The following CHSY3 variants were observed in gnomAD, a reference collection of about 807,000 sequenced individuals.
The protein encoded by CHSY3 is N-acetylgalactosaminyl-proteoglycan 3-beta-glucuronosyltransferase 3.
Under a neutral mutation model 67.2 loss-of-function variants are expected in CHSY3, and 35 were observed. The observed-to-expected ratio is 0.52, with a 90% CI of 0.40 to 0.69. CHSY3 has a LOEUF of 0.69. Among genes scored for constraint, CHSY3 ranks in the 30% least tolerant of loss-of-function variants. The pLI is 0.00. For synonymous variants in CHSY3, 474 were observed against 434.7 expected, an observed-to-expected ratio of 1.09 and a Z score of -1.12; for missense variants, 1,069 against 1,138.5, an observed-to-expected ratio of 0.94 and a Z score of 0.88.
At chr5:129,919,749 C>T (rs1760856039) in intron 2 of CHSY3, among the ~76,000 whole-genome samples, 3 of 152,100 alleles carry the variant, frequency 2.0e-5, no homozygotes, top group Admixed American at 2.0e-4. Flanking sequence ...CACAGCCAAA[C>T]CATATCAGTT....
intron 2 of CHSY3, among the ~76,000 whole-genome samples, chr5:129,997,629 G>A (rs190337636): frequency 2.2e-4 from 33 of 152,060 alleles, no homozygotes; most frequent in Admixed American, 1.3e-3. Flanking sequence ...TTTACATTAG[G>A]TATTTCTTCT....
rs577499094 is a variant in CHSY3, at chr5:130,036,353, C to T, written c.1086+127993C>T. On this transcript the variant is annotated intron_variant, in intron 2 of 2. Coordinates refer to ENST00000305031, the MANE Select transcript of CHSY3 (RefSeq NM_175856.5). The stretch of plus-strand genomic sequence containing the variant: ...ATATATTTTCCTAGTATATCTCTTC[C>T]ATAACTGTGCTAGCATATCGTAGCT... 1.9e-4 allele frequency among the ~76,000 whole-genome samples: 29 copies of T among 152,168 alleles called. No homozygotes were observed. The South Asian group carries it at 5.8e-3, about 30-fold the overall frequency.
At chr5:130,081,404 A>G (rs1766443063) in intron 2 of CHSY3, among the ~76,000 whole-genome samples, 1 of 152,092 alleles carries the variant, frequency 6.6e-6, no homozygotes, top group South Asian at 2.1e-4. Flanking sequence ...TCAGGTCAGC[A>G]TGTGAAAGTG....
intron 2 of CHSY3, among the ~76,000 whole-genome samples, chr5:129,959,805 TA>T (rs778010217): frequency 3.9e-5 from 6 of 152,144 alleles, no homozygotes; most frequent in Non-Finnish European, 7.4e-5. Context: ...TGTTACAGTT[TA>T]AGGTACTGTT....
intron 2 of CHSY3, among the ~76,000 whole-genome samples, chr5:130,092,441 C>A (rs191241642): frequency 1.3e-5 from 2 of 152,148 alleles, no homozygotes; most frequent in East Asian, 3.9e-4. Flanking sequence ...AGGTTCACAC[C>A]TCTTTATAAA....
At chr5:130,023,048 T>G (rs1764438875) in intron 2 of CHSY3, among the ~76,000 whole-genome samples, 1 of 151,998 alleles carries the variant, frequency 6.6e-6, no homozygotes, top group Non-Finnish European at 1.5e-5. Context: ...CCTTGGATAT[T>G]CCTAGAGAAG....
chr5:129,978,866 T>A (rs1270524074), intron 2 of CHSY3, among the ~76,000 whole-genome samples: 1 of 152,042 alleles, frequency 6.6e-6, no homozygotes, highest in Non-Finnish European at 1.5e-5. Context: ...ACTAAATAAT[T>A]AAGAAGCCTT....
intron 2 of CHSY3, among the ~76,000 whole-genome samples, chr5:130,080,158 G>T (rs964587808): frequency 4.0e-5 from 6 of 151,662 alleles, no homozygotes; most frequent in African/African-American, 1.2e-4. Context: ...GTTTCTGCAA[G>T]CTACAGGTAA....
chr5:130,129,480 G>A (rs144581633), intron 2 of CHSY3, among the ~76,000 whole-genome samples: 37 of 152,152 alleles, frequency 2.4e-4, no homozygotes, highest in African/African-American at 7.7e-4. Context: ...TAACACACAA[G>A]ACATTTATTA....
intron 2 of CHSY3, among the ~76,000 whole-genome samples, chr5:130,110,222 A>G (rs1767548142): frequency 6.6e-6 from 1 of 151,856 alleles, no homozygotes; most frequent in Non-Finnish European, 1.5e-5. Flanking sequence ...GGGTTCTTAT[A>G]TAGTCACCAT....
At chr5:129,950,090 C>A (rs1327775524) in intron 2 of CHSY3, among the ~76,000 whole-genome samples, 1 of 151,260 alleles carries the variant, frequency 6.6e-6, no homozygotes, top group Non-Finnish European at 1.5e-5. Flanking sequence ...ATCTCTTGAA[C>A]CCAGGAGGCA....
intron 2 of CHSY3, among the ~76,000 whole-genome samples, chr5:129,942,233 C>G (rs911401065): frequency 1.3e-5 from 2 of 152,104 alleles, no homozygotes; most frequent in African/African-American, 4.8e-5. Flanking sequence ...AAAACTATAA[C>G]TAGAGCTTTT....
intron 2 of CHSY3, among the ~76,000 whole-genome samples, chr5:130,172,086 A>G (rs1769908499): frequency 6.6e-6 from 1 of 151,950 alleles, no homozygotes; most frequent in South Asian, 2.1e-4. Flanking sequence ...TTTCTCTAGG[A>G]TTATAGTGTG....
In CHSY3 at chr5:130,037,973, A is replaced by C. The variant is rs551089558; in HGVS notation, c.1086+129613A>C. Among the ~76,000 whole-genome samples the C allele has an allele frequency of 4.6e-5, 7 of 152,186 alleles. 1 individual carries two copies. The South Asian group carries it at 1.0e-3, about 23-fold the overall frequency. On this transcript the variant is annotated intron_variant, in intron 2 of 2. Coordinates refer to ENST00000305031, the MANE Select transcript of CHSY3 (RefSeq NM_175856.5). ...CCTTAATTTGTGGTGCTGTTTGACCATTAAAAAATTGTGTGAGAGGATGGT... is the reference window on the plus strand; with the variant it reads ...CCTTAATTTGTGGTGCTGTTTGACCCTTAAAAAATTGTGTGAGAGGATGGT...
At chr5:130,175,009 T>C (rs1267952794) in intron 2 of CHSY3, among the ~76,000 whole-genome samples, 1 of 152,124 alleles carries the variant, frequency 6.6e-6, no homozygotes, top group African/African-American at 2.4e-5. Context: ...CCCACTATTA[T>C]TGTATGGGAA....
chr5:129,908,078 T>A lies in CHSY3; in HGVS notation c.804T>A (p.Gly268=). 1 of 1,608,642 alleles carries A rather than the reference T, an allele frequency of 6.2e-7. No homozygotes were observed. The highest frequency in any genetic ancestry group is 8.5e-7 in the Non-Finnish European group (1 of 1,177,436). ...TAATTGTTGCCTTTCTTTTTGTAGG[T>A]GATAAATTAGAAGAGTTTCTTAGAT... is the stretch of plus-strand genomic sequence containing the variant. ...MRADDDVYIK[G]DKLEEFLRSL... Residue 268 remains glycine (G), a splice_region_variant and synonymous_variant, in exon 2 of 3, where the codon GGT becomes GGA. Transcript: ENST00000305031.
intron 2 of CHSY3, among the ~76,000 whole-genome samples, chr5:129,947,280 C>T (rs181619181): frequency 5.3e-5 from 8 of 152,056 alleles, no homozygotes; most frequent in Non-Finnish European, 1.0e-4. Context: ...TAAATTACCT[C>T]CCACCCTTTC....
chr5:130,128,228 TG>T (rs1217540344), intron 2 of CHSY3, among the ~76,000 whole-genome samples: 1 of 90,962 alleles, frequency 1.1e-5, no homozygotes, highest in Non-Finnish European at 2.1e-5. Context: ...GAAGAAAATG[TG>T]GTGTGTGTGT....
rs141441722 is a variant in CHSY3 at position 130,168,463 on chromosome 5, A to G, written c.1087-15766A>G. On this transcript the variant is annotated intron_variant, in intron 2 of 2. Transcript: ENST00000305031. ...AGTCATGCTACAATAGTACTGGCCTATGAGTCACTACTTAAATAAGATATA... is the reference window on the plus strand; with the variant it reads ...AGTCATGCTACAATAGTACTGGCCTGTGAGTCACTACTTAAATAAGATATA... Among the ~76,000 whole-genome samples, 620 of 152,232 alleles carry G rather than the reference A, an allele frequency of 4.1e-3. 8 individuals carry two copies. Among genetic ancestry groups the G allele is most frequent in the South Asian group, 0.035 (171 of 4,830 alleles).
Sources: allele counts gnomAD v4.1 joint callset (sites outside exome capture counted in the v4.1 genomes callset), GRCh38; gene constraint gnomAD v4.1.1; transcripts MANE v1.5; gene names NCBI Gene and HGNC (gene_info 2026-07-23, HGNC 2026-07-21).